CLIP4: variants seen among roughly 807,000 people sequenced by gnomAD.
CLIP4 encodes the protein CAP-Gly domain containing linker protein family member 4.
Under a neutral mutation model 73.1 loss-of-function variants are expected in CLIP4, and 47 were observed. The observed-to-expected ratio is 0.64, with a 90% CI of 0.51 to 0.82. CLIP4 has a LOEUF of 0.82. Ranked by LOEUF, CLIP4 falls within the 40% of genes least tolerant of loss-of-function variation. CLIP4 has a pLI of 0.00. For synonymous variants in CLIP4, 306 were observed against 295.4 expected (o/e 1.04, Z -0.37); for missense variants, 874 against 852.9 (o/e 1.02, Z -0.31).
At chr2:29,135,453 G>A in intron 5 of CLIP4, 95 bp from the exon 6 acceptor site, 1 of 755,518 alleles carries the variant, frequency 1.3e-6, no homozygotes, top group Non-Finnish European at 2.1e-6. Context: ...TCTTACAAAT[G>A]CTATAAGTCC....
At chr2:29,170,243 A>G (rs146539956) in intron 14 of CLIP4, among the ~76,000 whole-genome samples, 4 of 152,306 alleles carry the variant, frequency 2.6e-5, no homozygotes, top group Non-Finnish European at 4.4e-5. Flanking sequence ...TCTTCAATGT[A>G]CTGATTTCCT....
intron 15 of CLIP4, among the ~76,000 whole-genome samples, chr2:29,177,587 A>C (rs1668419683): frequency 6.6e-6 from 1 of 151,950 alleles, no homozygotes; most frequent in Admixed American, 6.6e-5. Flanking sequence ...TCAAAAAAAA[A>C]AAGTAATATA....
At chr2:29,157,837 C>T (rs1667028059) in intron 11 of CLIP4, among the ~76,000 whole-genome samples, 1 of 152,192 alleles carries the variant, frequency 6.6e-6, no homozygotes, top group Admixed American at 6.5e-5. Context: ...CTTTATCAGA[C>T]TTCTTTTCGA....
At chr2:29,135,811 T>A (rs1209322380) in intron 6 of CLIP4, 145 bp downstream of exon 6, 1 of 559,964 alleles carries the variant, frequency 1.8e-6, no homozygotes, top group Non-Finnish European at 3.1e-6. Flanking sequence ...TAAAGAGTGA[T>A]GATGATCTTT....
intron 2 of CLIP4, among the ~76,000 whole-genome samples, chr2:29,126,752 C>A (rs147925508): frequency 2.6e-5 from 4 of 152,294 alleles, no homozygotes; most frequent in African/African-American, 7.2e-5. Context: ...CCCACAGAAA[C>A]AGGCACAAAG....
chr2:29,110,085 A>C (rs1032839289), intron 1 of CLIP4, among the ~76,000 whole-genome samples: 1 of 152,156 alleles, frequency 6.6e-6, no homozygotes, highest in Non-Finnish European at 1.5e-5. Flanking sequence ...ATAAACATAG[A>C]ATAGCATGAA....
chr2:29,154,600 C>T (rs547143928), intron 9 of CLIP4, among the ~76,000 whole-genome samples: 1 of 152,230 alleles, frequency 6.6e-6, no homozygotes, highest in East Asian at 1.9e-4. Flanking sequence ...ACTCAGAATA[C>T]CGGGAAGGGA....
intron 9 of CLIP4, among the ~76,000 whole-genome samples, chr2:29,154,956 G>T (rs1394134778): frequency 6.6e-6 from 1 of 152,140 alleles, no homozygotes; most frequent in East Asian, 1.9e-4. Context: ...ATTTAAACAA[G>T]ACCTATTCCA....
chr2:29,101,286 T>TCC (rs372203318), intron 1 of CLIP4, among the ~76,000 whole-genome samples: 17 of 99,090 alleles, frequency 1.7e-4, no homozygotes, highest in African/African-American at 7.0e-4. Flanking sequence ...TTTTTTTTTT[T>TCC]CCCCCCCCCA....
At chr2:29,151,434 T>C (rs1324076719) in intron 8 of CLIP4, among the ~76,000 whole-genome samples, 1 of 152,040 alleles carries the variant, frequency 6.6e-6, no homozygotes, top group Non-Finnish European at 1.5e-5. Flanking sequence ...AGAGTGTGTG[T>C]GTGTGTTAGG....
chr2:29,107,868 C>G (rs11694452), intron 1 of CLIP4, among the ~76,000 whole-genome samples: 39,172 of 152,002 alleles, frequency 0.26, 6,103 homozygotes, highest in African/African-American at 0.43. Flanking sequence ...CTGAAATCTT[C>G]AAAAACCCTG....
intron 8 of CLIP4, among the ~76,000 whole-genome samples, chr2:29,149,933 T>C (rs1012822384): frequency 2.0e-5 from 3 of 152,170 alleles, no homozygotes; most frequent in Non-Finnish European, 4.4e-5. Context: ...ATAGAGGTTA[T>C]ATCAGCCAAA....
chr2:29,104,506 C>G (rs776948273), intron 1 of CLIP4, among the ~76,000 whole-genome samples: 3 of 152,026 alleles, frequency 2.0e-5, no homozygotes, highest in Non-Finnish European at 4.4e-5. Flanking sequence ...AGGCTGGTCT[C>G]GAACTCCTGT....
At chr2:29,150,164 G>T (rs1349039962) in intron 8 of CLIP4, among the ~76,000 whole-genome samples, 2 of 152,158 alleles carry the variant, frequency 1.3e-5, no homozygotes, top group African/African-American at 4.8e-5. Flanking sequence ...GCCTCCAGTG[G>T]TGTCTCCTCT....
intron 8 of CLIP4, among the ~76,000 whole-genome samples, chr2:29,146,607 T>C (rs926623228): frequency 1.3e-5 from 2 of 152,210 alleles, no homozygotes; most frequent in East Asian, 3.9e-4. Flanking sequence ...AAATATTCTT[T>C]TAGAACATTG....
In CLIP4 at chr2:29,122,826, CAAAAAAAAAAAAAAA is replaced by C. The variant is rs11364909; in HGVS notation, c.133+1315_133+1329del. Among the ~76,000 whole-genome samples the C allele has an allele frequency of 4.8e-5, 3 of 61,932 alleles. No individual in the cohort carries two copies. In the Admixed American group the frequency reaches 7.4e-4, roughly 15 times the overall value. The allele number at this position is 61,932 out of a possible 152,430, so 40.6% of individuals were successfully genotyped here. A position where few individuals can be genotyped will look rare whatever the true frequency, so the allele number is the denominator to read the frequency against. On this transcript the variant is annotated intron_variant, in intron 2 of 15. Transcript: ENST00000320081. ...GGGCCACAGAGTGAGACTTTGTCTC[CAAAAAAAAAAAAAAA>C]AAAAAAAAAGCATTGTAGTCTTAGA... is the stretch of plus-strand genomic sequence containing the variant.
In CLIP4 at chr2:29,132,150, A is replaced by T. The variant is rs1355375625; in HGVS notation, c.274-2A>T. The T allele has an allele frequency of 6.2e-7, 1 of 1,612,218 alleles. No individual in the cohort carries two copies. Among genetic ancestry groups the T allele is most frequent in the Non-Finnish European group, 8.5e-7 (1 of 1,178,582 alleles). Reference sequence around the variant, plus strand: ...TAACCATATTTTCCTTGACTGCTTCAGATTCTTAAGAGAGGTTGCAATGTG... The same window carrying T: ...TAACCATATTTTCCTTGACTGCTTCTGATTCTTAAGAGAGGTTGCAATGTG... On this transcript the variant is annotated splice_acceptor_variant, in intron 3 of 15. Coordinates refer to ENST00000320081, the MANE Select transcript of CLIP4 (RefSeq NM_024692.6). LOFTEE classifies it high-confidence loss of function.
intron 11 of CLIP4, among the ~76,000 whole-genome samples, chr2:29,158,616 G>A (rs1193737629): frequency 6.6e-6 from 1 of 152,072 alleles, no homozygotes; most frequent in Non-Finnish European, 1.5e-5. Context: ...TATTCCACTT[G>A]TTTTATAGAT....
chr2:29,124,393 A>G (rs1664459193), intron 2 of CLIP4, among the ~76,000 whole-genome samples: 1 of 152,004 alleles, frequency 6.6e-6, no homozygotes, highest in Non-Finnish European at 1.5e-5. Flanking sequence ...GGCTGCTTTA[A>G]AGAGTTTTTA....
Sources: allele counts gnomAD v4.1 joint callset (sites outside exome capture counted in the v4.1 genomes callset), GRCh38; gene constraint gnomAD v4.1.1; transcripts MANE v1.5; gene names NCBI Gene and HGNC (gene_info 2026-07-23, HGNC 2026-07-21).